The following LRP1B variants were observed in gnomAD, a reference collection of about 807,000 sequenced individuals.
LRP1B encodes the protein low-density lipoprotein receptor-related protein 1B.
LRP1B carries 217 observed loss-of-function variants against 556.6 expected under a neutral mutation model. The ratio of observed to expected loss-of-function variants is 0.39; its 90% CI spans 0.35 to 0.44. LRP1B has a LOEUF of 0.44. Among genes scored for constraint, LRP1B ranks in the 20% least tolerant of loss-of-function variants. The pLI, the probability that LRP1B is intolerant of heterozygous loss-of-function variation, is 1.00. For synonymous variants in LRP1B, 2,047 were observed against 1,865.8 expected (o/e 1.10, Z -2.50); for missense variants, 5,053 against 5,620.8 (o/e 0.90, Z 3.23).
chr2:141,832,743 G>T (rs1183747265), intron 1 of LRP1B, among the ~76,000 whole-genome samples: 2 of 151,692 alleles, frequency 1.3e-5, no homozygotes, highest in Non-Finnish European at 3.0e-5. Flanking sequence ...CTAACTCCAT[G>T]AAACCAAGTC....
chr2:141,207,553 TA>T (rs1439055375), intron 6 of LRP1B, among the ~76,000 whole-genome samples: 3 of 152,210 alleles, frequency 2.0e-5, no homozygotes, highest in Non-Finnish European at 4.4e-5. Context: ...ACCAACAACA[TA>T]AAAATCTAAA....
At chr2:140,903,267 A>G (rs2105224122) in intron 22 of LRP1B, 102 bp from the exon 23 acceptor site, 1 of 1,331,264 alleles carries the variant, frequency 7.5e-7, no homozygotes. Flanking sequence ...TAGCCAGGAT[A>G]CTACAAATGA....
At chr2:140,526,126 G>A (rs1163467078) in intron 48 of LRP1B, 111 bp downstream of exon 48, 3 of 1,342,896 alleles carry the variant, frequency 2.2e-6, no homozygotes, top group Non-Finnish European at 2.1e-6. Context: ...ACACAACAGG[G>A]GTTAATTACA....
At chr2:141,425,052 A>G (rs147812441) in intron 3 of LRP1B, among the ~76,000 whole-genome samples, 8,156 of 149,492 alleles carry the variant, frequency 0.055, 346 homozygotes, top group South Asian at 0.14. Context: ...TATATCTCCT[A>G]ATGCTATCCC....
At chr2:141,845,760 G>C (rs1406303159) in intron 1 of LRP1B, among the ~76,000 whole-genome samples, 4 of 151,848 alleles carry the variant, frequency 2.6e-5, no homozygotes, top group African/African-American at 9.7e-5. Flanking sequence ...AGCAGAAGCA[G>C]AGCTAACATA....
chr2:140,769,384 C>T (rs1689227239), intron 34 of LRP1B, 40 bp from the exon 35 acceptor site: 1 of 1,524,310 alleles, frequency 6.6e-7, no homozygotes, highest in East Asian at 2.3e-5. Context: ...AAGGGAAGCC[C>T]AGAATGAATA....
chr2:140,505,558 T>G (rs1689374153), intron 53 of LRP1B, among the ~76,000 whole-genome samples: 1 of 152,226 alleles, frequency 6.6e-6, no homozygotes, highest in Middle Eastern at 3.2e-3. Context: ...GTGGGGCCTC[T>G]CTGTCTCATT....
At chr2:140,453,260 T>A (rs952500591) in intron 62 of LRP1B, among the ~76,000 whole-genome samples, 2 of 151,978 alleles carry the variant, frequency 1.3e-5, no homozygotes, top group African/African-American at 4.8e-5. Context: ...CTTTTGACTT[T>A]GAAAATAACA....
intron 18 of LRP1B, among the ~76,000 whole-genome samples, chr2:140,962,121 A>C (rs1696054761): frequency 1.3e-5 from 2 of 152,364 alleles, no homozygotes; most frequent in Middle Eastern, 3.4e-3. Flanking sequence ...TGAACCTAGA[A>C]TTTCAGAACC....
intron 7 of LRP1B, among the ~76,000 whole-genome samples, chr2:141,087,762 A>G (rs1488194853): frequency 6.6e-6 from 1 of 152,208 alleles, no homozygotes; most frequent in Non-Finnish European, 1.5e-5. Context: ...TTGCCGGATC[A>G]ATTTAGAATG....
chr2:142,112,385 C>G (rs1707032303), intron 1 of LRP1B, among the ~76,000 whole-genome samples: 1 of 151,416 alleles, frequency 6.6e-6, no homozygotes, highest in African/African-American at 2.4e-5. Flanking sequence ...AAAGAACAAC[C>G]AAATATAATG....
chr2:141,044,879 G>A (rs751783903), intron 11 of LRP1B, among the ~76,000 whole-genome samples: 2 of 151,538 alleles, frequency 1.3e-5, no homozygotes, highest in Non-Finnish European at 2.9e-5. Context: ...TCAGTGATCT[G>A]GAACTGGAAA....
At chr2:141,125,856 A>AC (rs945608185) in intron 7 of LRP1B, among the ~76,000 whole-genome samples, 10 of 137,128 alleles carry the variant, frequency 7.3e-5, no homozygotes, top group African/African-American at 2.2e-4. Context: ...AAAAAAAAAA[A>AC]AAAAACAAAA....
chr2:141,179,535 A>G (rs999555363), intron 7 of LRP1B, among the ~76,000 whole-genome samples: 1 of 151,990 alleles, frequency 6.6e-6, no homozygotes, highest in African/African-American at 2.4e-5. Context: ...ACTGGGGTAC[A>G]TTTTATCTGT....
intron 41 of LRP1B, among the ~76,000 whole-genome samples, chr2:140,670,926 T>C (rs1265940573): frequency 6.6e-6 from 1 of 152,208 alleles, no homozygotes; most frequent in Non-Finnish European, 1.5e-5. Flanking sequence ...ATTTAAATAC[T>C]AAAGTAAATA....
At chr2:141,407,104 A>C (rs1053790506) in intron 3 of LRP1B, among the ~76,000 whole-genome samples, 3 of 148,738 alleles carry the variant, frequency 2.0e-5, no homozygotes, top group Non-Finnish European at 3.0e-5. Flanking sequence ...TTCCCAGAAG[A>C]AGCACATACT....
chr2:141,001,798 A>G (rs578139737), intron 15 of LRP1B, among the ~76,000 whole-genome samples: 1 of 152,276 alleles, frequency 6.6e-6, no homozygotes, highest in African/African-American at 2.4e-5. Context: ...GCGCACGCAT[A>G]TGCATGTGCA....
chr2:140,807,602 C>T (rs890220924), intron 32 of LRP1B, among the ~76,000 whole-genome samples: 53 of 150,724 alleles, frequency 3.5e-4, no homozygotes, highest in African/African-American at 1.2e-3. Flanking sequence ...CCACCTGCCT[C>T]GAGCTCACAA....
chr2:141,512,873 A>G (rs1684179616), intron 2 of LRP1B, among the ~76,000 whole-genome samples: 1 of 152,170 alleles, frequency 6.6e-6, no homozygotes, highest in Non-Finnish European at 1.5e-5. Flanking sequence ...TTTAAAATCA[A>G]TCCCATACTG....
Sources: gnomAD v4.1 joint callset for allele counts (sites outside exome capture counted in the v4.1 genomes callset) on GRCh38, gnomAD v4.1.1 for gene constraint, MANE v1.5 for transcripts, NCBI Gene and HGNC (gene_info 2026-07-23, HGNC 2026-07-21) for gene names.